CCDC148: variants seen among roughly 807,000 people sequenced by gnomAD.
CCDC148 encodes the protein coiled-coil domain-containing protein 148.
Under a neutral mutation model 85.7 loss-of-function variants are expected in CCDC148, and 89 were observed. That is an observed-to-expected ratio of 1.04 (90% CI 0.87 to 1.24). The LOEUF (loss-of-function observed/expected upper bound fraction) is 1.24. Ranked by LOEUF, CCDC148 falls within the 50% of genes most tolerant of loss-of-function variation. The pLI is 0.00. For missense variants in CCDC148, 692 were observed against 671.7 expected (o/e 1.03, Z -0.33); for synonymous variants, 230 against 213.9 (o/e 1.08, Z -0.66).
intron 1 of CCDC148, among the ~76,000 whole-genome samples, chr2:158,402,593 G>A (rs1051112496): frequency 6.6e-6 from 1 of 151,800 alleles, no homozygotes; most frequent in African/African-American, 2.4e-5. Context: ...ATTATAATGT[G>A]GTATACTTCC....
At chr2:158,356,178 T>A (rs1683622860) in intron 2 of CCDC148, among the ~76,000 whole-genome samples, 1 of 127,140 alleles carries the variant, frequency 7.9e-6, no homozygotes, top group Admixed American at 7.5e-5. Context: ...GGGCAAGGAC[T>A]TCATGTCTAA....
intron 9 of CCDC148, among the ~76,000 whole-genome samples, chr2:158,277,548 A>G (rs1690010344): frequency 6.6e-6 from 1 of 152,200 alleles, no homozygotes; most frequent in East Asian, 1.9e-4. Flanking sequence ...TGTCATTTAC[A>G]GGCATGGCCC....
At chr2:158,303,892 C>T (rs11897570) in intron 9 of CCDC148, among the ~76,000 whole-genome samples, 20,204 of 152,158 alleles carry the variant, frequency 0.13, 1,432 homozygotes, top group Middle Eastern at 0.19. Context: ...AAGAGAATAT[C>T]AGGAAATGCA....
At chr2:158,352,784 C>CAG (rs1683391179) in intron 2 of CCDC148, among the ~76,000 whole-genome samples, 2 of 151,740 alleles carry the variant, frequency 1.3e-5, no homozygotes, top group South Asian at 4.2e-4. Flanking sequence ...TCAGATTCAC[C>CAG]AAAGTTGAAA....
intron 1 of CCDC148, among the ~76,000 whole-genome samples, chr2:158,408,826 A>G (rs888563226): frequency 2.0e-5 from 3 of 151,948 alleles, no homozygotes; most frequent in African/African-American, 2.4e-5. Context: ...CCAGGGTTCT[A>G]TTTTCTCCAC....
intron 1 of CCDC148, among the ~76,000 whole-genome samples, chr2:158,404,335 A>G (rs1685910372): frequency 6.6e-6 from 1 of 152,112 alleles, no homozygotes; most frequent in East Asian, 1.9e-4. Flanking sequence ...TTCTAATGCT[A>G]CACAACATGA....
At chr2:158,210,020 T>G (rs1288832640) in intron 11 of CCDC148, among the ~76,000 whole-genome samples, 1 of 151,998 alleles carries the variant, frequency 6.6e-6, no homozygotes, top group African/African-American at 2.4e-5. Context: ...GACTGGCAAA[T>G]TGGATAAAGA....
intron 2 of CCDC148, among the ~76,000 whole-genome samples, chr2:158,350,069 A>C (rs892839729): frequency 2.6e-5 from 4 of 152,150 alleles, no homozygotes; most frequent in African/African-American, 9.6e-5. Context: ...ATAAACAAAA[A>C]GGTTACTGAT....
intron 11 of CCDC148, among the ~76,000 whole-genome samples, chr2:158,212,308 T>A (rs1040390484): frequency 2.0e-5 from 3 of 152,174 alleles, no homozygotes; most frequent in African/African-American, 7.2e-5. Flanking sequence ...TTTGTAAAAA[T>A]TTCTGATTAA....
intron 10 of CCDC148, among the ~76,000 whole-genome samples, chr2:158,230,775 G>A (rs1360177023): frequency 1.3e-5 from 2 of 152,180 alleles, no homozygotes; most frequent in East Asian, 3.9e-4. Context: ...CCTGGACTCA[G>A]GAGATGGATT....
chr2:158,253,237 T>C (rs531764423), intron 9 of CCDC148, among the ~76,000 whole-genome samples: 1 of 151,782 alleles, frequency 6.6e-6, no homozygotes, highest in Admixed American at 6.6e-5. Flanking sequence ...AAAAGGATGA[T>C]GTCAACTGAT....
intron 1 of CCDC148, among the ~76,000 whole-genome samples, chr2:158,361,538 G>T (rs866275708): frequency 1.3e-5 from 2 of 152,096 alleles, no homozygotes; most frequent in Admixed American, 6.6e-5. Context: ...TTAAAGAAAA[G>T]AATTTTCAAC....
At chr2:158,407,208 C>G (rs1286335575) in intron 1 of CCDC148, among the ~76,000 whole-genome samples, 1 of 152,154 alleles carries the variant, frequency 6.6e-6, no homozygotes, top group Admixed American at 6.5e-5. Context: ...TTCATTCCTC[C>G]CTGAATTCTC....
intron 8 of CCDC148, among the ~76,000 whole-genome samples, chr2:158,311,894 T>A (rs985395867): frequency 6.6e-6 from 1 of 152,146 alleles, no homozygotes; most frequent in Non-Finnish European, 1.5e-5. Context: ...ATCTCATCCA[T>A]GGGAATTAGC....
chr2:158,421,210 A>C (rs1372699816), intron 1 of CCDC148, among the ~76,000 whole-genome samples: 3 of 152,168 alleles, frequency 2.0e-5, no homozygotes, highest in Non-Finnish European at 4.4e-5. Flanking sequence ...ATATCCAGGA[A>C]TTGAACTCAG....
chr2:158,326,130 C>T (rs572782362), intron 7 of CCDC148, among the ~76,000 whole-genome samples: 3 of 152,294 alleles, frequency 2.0e-5, no homozygotes, highest in Non-Finnish European at 2.9e-5. Flanking sequence ...TATGACCCCA[C>T]CTTCTACTAC....
intron 1 of CCDC148, chr2:158,365,897 A>T (rs1347280765): frequency 1.4e-6 from 1 of 689,958 alleles, no homozygotes; most frequent in Non-Finnish European, 2.4e-6. Context: ...CAATGTAACC[A>T]GAAAGTGAGC....
At chr2:158,301,449 A>C (rs1307807447) in intron 9 of CCDC148, among the ~76,000 whole-genome samples, 1 of 152,244 alleles carries the variant, frequency 6.6e-6, no homozygotes, top group Non-Finnish European at 1.5e-5. Context: ...CTAAGTTGAT[A>C]TAATCAGCAT....
At chr2:158,314,933 A>T (rs1489443050) in intron 7 of CCDC148, among the ~76,000 whole-genome samples, 1 of 152,234 alleles carries the variant, frequency 6.6e-6, no homozygotes, top group African/African-American at 2.4e-5. Context: ...AACACCTCTT[A>T]AATCAGTGAC....
Sources: allele counts gnomAD v4.1 joint callset (sites outside exome capture counted in the v4.1 genomes callset), GRCh38; gene constraint gnomAD v4.1.1; transcripts MANE v1.5; gene names NCBI Gene and HGNC (gene_info 2026-07-23, HGNC 2026-07-21).